AKAP11: variants seen among roughly 807,000 people sequenced by gnomAD.
AKAP11 encodes A-kinase anchor protein 11.
AKAP11 carries 36 observed loss-of-function variants against 146.1 expected under a neutral mutation model. The ratio of observed to expected loss-of-function variants is 0.25; its 90% CI spans 0.19 to 0.33. AKAP11 has a LOEUF of 0.33. AKAP11 is among the 10% of genes least tolerant of loss of function. AKAP11 has a pLI of 1.00. For synonymous variants in AKAP11, 780 were observed against 786.5 expected (o/e 0.99, Z 0.14); for missense variants, 2,201 against 2,197.0 (o/e 1.00, Z -0.04).
intron 3 of AKAP11, among the ~76,000 whole-genome samples, chr13:42,291,125 T>A (rs918441475): frequency 6.6e-6 from 1 of 152,222 alleles, no homozygotes; most frequent in African/African-American, 2.4e-5. Context: ...TTTAATTTAT[T>A]AAGATTGCAG....
At chr13:42,283,912 C>G (rs896218073) in intron 1 of AKAP11, among the ~76,000 whole-genome samples, 5 of 152,190 alleles carry the variant, frequency 3.3e-5, no homozygotes, top group African/African-American at 1.2e-4. Context: ...CATTTAATTA[C>G]TCTCTTGTTT....
At chr13:42,288,237 G>A (rs746343036) in intron 3 of AKAP11, among the ~76,000 whole-genome samples, 5 of 152,190 alleles carry the variant, frequency 3.3e-5, no homozygotes, top group Non-Finnish European at 5.9e-5. Context: ...GGGAATTAAT[G>A]TTGCAAAATT....
rs561050509 is a variant in AKAP11, at chr13:42,285,535, C to G, written c.-99-451C>G. 9.2e-5 allele frequency among the ~76,000 whole-genome samples: 14 copies of G among 152,282 alleles called. No homozygotes were observed. In the South Asian group the frequency reaches 2.9e-3, roughly 32 times the overall value. On this transcript the variant is annotated intron_variant, in intron 1 of 12. Coordinates refer to ENST00000025301, the MANE Select transcript of AKAP11 (RefSeq NM_016248.4). ...CATATCTATCTTGTTTCTCTTGTAT[C>G]CATAGCATCTAGCACAAGTAGATTT...
chr13:42,290,802 T>TG (rs751595943), intron 3 of AKAP11, among the ~76,000 whole-genome samples: 5 of 152,210 alleles, frequency 3.3e-5, no homozygotes, highest in Non-Finnish European at 4.4e-5. Flanking sequence ...CCTTGCATTC[T>TG]GGCACAGTTA....
chr13:42,286,245 G>T, intron 2 of AKAP11, 55 bp from the exon 3 acceptor site: 1 of 654,866 alleles, frequency 1.5e-6, no homozygotes, highest in Non-Finnish European at 2.5e-6. Flanking sequence ...AGCACAAAAT[G>T]CTTGCCTGAA....
At chr13:42,316,958 A>C (rs1385737850) in intron 11 of AKAP11, among the ~76,000 whole-genome samples, 4 of 151,916 alleles carry the variant, frequency 2.6e-5, no homozygotes, top group African/African-American at 9.7e-5. Flanking sequence ...GATCACTGCA[A>C]CCTCTGCCTC....
At position 42,300,375 on chromosome 13, in the gene AKAP11, C is replaced by T. The variant is rs781120846; in HGVS notation, c.1629C>T (p.Ser543=). Residue 543 remains serine, a synonymous_variant, in exon 8 of 13, where the codon TCC becomes TCT. Transcript: ENST00000025301. ...AAAAAAATAAATCTAAAAATAAATC[C>T]TTAATGATTAAAGATAGCATTCAAA... The part of the protein sequence containing the change: ...LDQKNKSKNK[S]LMIKDSIQKF... 6 of 1,607,754 alleles carry T rather than the reference C, an allele frequency of 3.7e-6. No homozygotes were observed. The South Asian group carries it at 6.7e-5, about 18-fold the overall frequency.
Position 42,301,390 on chromosome 13 carries a change from A to T in AKAP11, c.2644A>T (p.Thr882Ser). 5 of 1,613,734 alleles carry T rather than the reference A, an allele frequency of 3.1e-6. No homozygotes were observed. The highest frequency in any genetic ancestry group is 4.2e-6 in the Non-Finnish European group (5 of 1,179,892). Residue 882 changes from threonine (T) to serine (S), a missense_variant, in exon 8 of 13, where the codon ACG becomes TCG. This residue lies in a region of AKAP11 where 1,867 missense variants were observed against 1,833.5 expected (regional missense o/e 1.02). Transcript: ENST00000025301. ...CAACTTTTCTGCAGCAGTGGTGCAT[A>T]CGATAGTAAATGAAACTTTAGAGTC... ...ISNFSAAVVH[T>S]IVNETLESMT...
intron 9 of AKAP11, among the ~76,000 whole-genome samples, chr13:42,310,254 A>C (rs1051419962): frequency 2.0e-5 from 3 of 152,202 alleles, no homozygotes; most frequent in Non-Finnish European, 4.4e-5. Context: ...AATGTGACTT[A>C]ATGTAATGCT....
intron 1 of AKAP11, among the ~76,000 whole-genome samples, chr13:42,283,235 AGTG>A (rs1959100221): frequency 6.6e-6 from 1 of 152,190 alleles, no homozygotes; most frequent in South Asian, 2.1e-4. Flanking sequence ...TAAATGAAAA[AGTG>A]GTGGAGTAAG....
intron 9 of AKAP11, among the ~76,000 whole-genome samples, chr13:42,310,763 G>A (rs1249530060): frequency 6.6e-6 from 1 of 151,954 alleles, no homozygotes; most frequent in Non-Finnish European, 1.5e-5. Flanking sequence ...GGAGGCTAAG[G>A]CAGGAGAATT....
At chr13:42,318,781 C>G (rs1042440325) in intron 12 of AKAP11, among the ~76,000 whole-genome samples, 5 of 152,080 alleles carry the variant, frequency 3.3e-5, no homozygotes, top group Non-Finnish European at 5.9e-5. Context: ...TGAAGAATTT[C>G]CTGTAGAAAC....
chr13:42,314,314 G>A (rs780463088), intron 11 of AKAP11, among the ~76,000 whole-genome samples: 8 of 151,698 alleles, frequency 5.3e-5, no homozygotes, highest in Non-Finnish European at 7.4e-5. Context: ...GCGTGGTGGC[G>A]GGCACCTGTA....
intron 3 of AKAP11, among the ~76,000 whole-genome samples, chr13:42,287,415 C>G (rs986084659): frequency 1.3e-5 from 2 of 151,998 alleles, no homozygotes; most frequent in Non-Finnish European, 2.9e-5. Flanking sequence ...TCCCGAGTAG[C>G]TGGGACTACA....
At chr13:42,305,673 G>A (rs2138637811) in intron 8 of AKAP11, among the ~76,000 whole-genome samples, 1 of 152,182 alleles carries the variant, frequency 6.6e-6, no homozygotes, top group East Asian at 1.9e-4. Flanking sequence ...TGCTATAATG[G>A]CAGAGTTGAG....
intron 2 of AKAP11, 98 bp downstream of exon 2, chr13:42,286,133 A>G (rs891216780): frequency 2.9e-5 from 10 of 348,808 alleles, no homozygotes; most frequent in Admixed American, 4.7e-5. Flanking sequence ...ATATTTTTCA[A>G]ATATTCTTGC....
At chr13:42,307,896 C>T (rs1232577364) in intron 8 of AKAP11, among the ~76,000 whole-genome samples, 1 of 152,054 alleles carries the variant, frequency 6.6e-6, no homozygotes, top group Non-Finnish European at 1.5e-5. Flanking sequence ...AATAGTTGAG[C>T]AGTGAATGGA....
In AKAP11 at chr13:42,320,299, A is replaced by G. The variant is rs938136378; in HGVS notation, c.*1071A>G. The G allele has an allele frequency of 5.9e-5, 9 of 151,540 alleles. No homozygotes were observed. Among genetic ancestry groups the G allele is most frequent in the African/African-American group, 1.9e-4 (8 of 41,356 alleles). The allele number at this position is 151,540 out of a possible 1,614,324, so 9.4% of individuals were successfully genotyped here. On this transcript the variant is annotated 3_prime_UTR_variant, in exon 13 of 13. Transcript: ENST00000025301. ...TTTGTTTGTTTGTTTGTTTTAGAAA[A>G]ATTGGGATTTCCCCCCACCCCGCCC...
intron 11 of AKAP11, among the ~76,000 whole-genome samples, chr13:42,317,310 G>A (rs563897074): frequency 3.3e-5 from 5 of 152,068 alleles, no homozygotes; most frequent in African/African-American, 1.2e-4. Context: ...TTATATTTTT[G>A]CAATCAATAA....
Sources: allele counts gnomAD v4.1 joint callset (sites outside exome capture counted in the v4.1 genomes callset), GRCh38; gene constraint gnomAD v4.1.1; regional missense constraint gnomAD v4.1.1; transcripts MANE v1.5; gene names NCBI Gene and HGNC (gene_info 2026-07-23, HGNC 2026-07-21).